SLC2A13: variants seen among roughly 807,000 people sequenced by gnomAD.
SLC2A13 encodes the protein solute carrier family 2 member 13, also known as proton myo-inositol cotransporter.
In SLC2A13, 32 loss-of-function variants were observed where a neutral mutation model predicts 64.4. The ratio of observed to expected loss-of-function variants is 0.50; its 90% CI spans 0.37 to 0.67. The LOEUF (loss-of-function observed/expected upper bound fraction) is 0.67. Among genes scored for constraint, SLC2A13 ranks in the 30% least tolerant of loss-of-function variants. SLC2A13 has a pLI of 0.00. For missense variants in SLC2A13, 743 were observed against 829.2 expected (o/e 0.90, Z 1.28); for synonymous variants, 338 against 327.1 (o/e 1.03, Z -0.36).
chr12:39,763,117 C>T (rs917553849), intron 9 of SLC2A13, among the ~76,000 whole-genome samples: 2 of 151,736 alleles, frequency 1.3e-5, no homozygotes, highest in Non-Finnish European at 2.9e-5. Flanking sequence ...TTATTGTGCT[C>T]GTATTTATTA....
intron 3 of SLC2A13, among the ~76,000 whole-genome samples, chr12:39,974,368 C>G (rs144863045): frequency 3.0e-4 from 46 of 152,328 alleles, no homozygotes; most frequent in African/African-American, 9.9e-4. Context: ...GGGGCCATAT[C>G]TGACCTCAAC....
chr12:39,812,996 A>ATTTTTTTTTTTTTTT lies in SLC2A13; in HGVS notation c.1445+17092_1445+17106dup, dbSNP rs71449493. Among the ~76,000 whole-genome samples the ATTTTTTTTTTTTTTT allele has an allele frequency of 6.9e-4, 28 of 40,616 alleles. 11 individuals are homozygous for ATTTTTTTTTTTTTTT. The highest frequency in any genetic ancestry group is 3.8e-3 in the South Asian group (2 of 520). The allele number at this position is 40,616 out of a possible 152,430, so 26.6% of individuals were successfully genotyped here. A position where few individuals can be genotyped will look rare whatever the true frequency, so the allele number is the denominator to read the frequency against. On this transcript the variant is annotated intron_variant, in intron 7 of 9. Transcript: ENST00000280871. The stretch of plus-strand genomic sequence containing the variant: ...AGGCGCCTGACATCATGCCCAGCTA[A>ATTTTTTTTTTTTTTT]TTTTTTTTTTTTTTTTTTTTTTTTT...
chr12:40,095,003 T>G (rs17442469), intron 1 of SLC2A13, among the ~76,000 whole-genome samples: 1 of 152,090 alleles, frequency 6.6e-6, no homozygotes, highest in Non-Finnish European at 1.5e-5. Flanking sequence ...TGGGAGCCCA[T>G]AGAAGCTCTC....
chr12:39,966,015 A>G (rs1355364956), intron 3 of SLC2A13, among the ~76,000 whole-genome samples: 6 of 151,938 alleles, frequency 3.9e-5, no homozygotes, highest in Non-Finnish European at 8.8e-5. Context: ...TTGACTGTCC[A>G]TAAGGAGGTC....
intron 7 of SLC2A13, among the ~76,000 whole-genome samples, chr12:39,812,337 TTTTTCTTTTCTTTTCTTTTCTTTTC>T (rs151097142): frequency 2.2e-5 from 3 of 135,262 alleles, no homozygotes; most frequent in South Asian, 2.4e-4. Context: ...ACTAATTTCT[TTTTTCTTTTCTTTTCTTTTCTTTTC>T]TTTTCTTTTC....
intron 4 of SLC2A13, among the ~76,000 whole-genome samples, chr12:39,883,526 A>C (rs1172242859): frequency 6.6e-6 from 1 of 152,190 alleles, no homozygotes; most frequent in East Asian, 1.9e-4. Context: ...AAAAGGTGAC[A>C]GTTTATTTAA....
chr12:39,865,690 G>T (rs1943888609), intron 5 of SLC2A13, among the ~76,000 whole-genome samples: 1 of 152,204 alleles, frequency 6.6e-6, no homozygotes, highest in African/African-American at 2.4e-5. Context: ...GGAATACTAT[G>T]CAGCTGTAAA....
At chr12:40,041,898 T>C (rs189643940) in intron 2 of SLC2A13, among the ~76,000 whole-genome samples, 19 of 152,312 alleles carry the variant, frequency 1.2e-4, no homozygotes, top group Admixed American at 8.5e-4. Context: ...TCATAGACCA[T>C]TGGAATCTGG....
At chr12:39,766,214 A>G (rs1940343301) in intron 7 of SLC2A13, among the ~76,000 whole-genome samples, 1 of 152,036 alleles carries the variant, frequency 6.6e-6, no homozygotes, top group South Asian at 2.1e-4. Context: ...CTCACTGCTC[A>G]GCTTAGACCA....
At chr12:40,063,443 A>G (rs1948457635) in intron 1 of SLC2A13, among the ~76,000 whole-genome samples, 1 of 150,624 alleles carries the variant, frequency 6.6e-6, no homozygotes, top group Non-Finnish European at 1.5e-5. Flanking sequence ...TCGAAGCATA[A>G]TGCCTACATC....
chr12:39,842,018 C>A (rs533157472), intron 6 of SLC2A13, among the ~76,000 whole-genome samples: 2 of 152,074 alleles, frequency 1.3e-5, no homozygotes, highest in East Asian at 3.9e-4. Context: ...ATGAGGGAGG[C>A]TTTTTATTTC....
rs1170974238 is a variant in SLC2A13, at chr12:39,981,542, A to C, written c.926-30177T>G. Among the ~76,000 whole-genome samples, 15 of 148,816 alleles carry C rather than the reference A, an allele frequency of 1.0e-4. No individual in the cohort carries two copies. The East Asian group carries it at 2.6e-3, about 26-fold the overall frequency. On this transcript the variant is annotated intron_variant, in intron 3 of 9. Coordinates refer to ENST00000280871, the MANE Select transcript of SLC2A13 (RefSeq NM_052885.4). ...ACAAACTACCATCAGAGAATACTAC[A>C]AACACCTCTACGCAAATAAACTAGA...
intron 2 of SLC2A13, among the ~76,000 whole-genome samples, chr12:40,042,187 A>G (rs118128122): frequency 6.6e-6 from 1 of 152,240 alleles, no homozygotes. Flanking sequence ...ACAACCAGAC[A>G]TTTAACAAAT....
intron 7 of SLC2A13, among the ~76,000 whole-genome samples, chr12:39,807,272 A>G (rs759948713): frequency 5.3e-5 from 8 of 152,178 alleles, no homozygotes; most frequent in Non-Finnish European, 8.8e-5. Context: ...TAACAGAACT[A>G]TATCTTGACT....
chr12:39,810,274 T>G (rs1234345421), intron 7 of SLC2A13, among the ~76,000 whole-genome samples: 1 of 152,242 alleles, frequency 6.6e-6, no homozygotes, highest in Non-Finnish European at 1.5e-5. Flanking sequence ...AAATTTATCT[T>G]TAAGAATTTC....
At chr12:40,084,621 A>G (rs1230717932) in intron 1 of SLC2A13, among the ~76,000 whole-genome samples, 1 of 152,214 alleles carries the variant, frequency 6.6e-6, no homozygotes, top group Non-Finnish European at 1.5e-5. Flanking sequence ...AAATTATACT[A>G]TAAGGCAGCA....
At chr12:39,866,688 C>T (rs1943920910) in intron 5 of SLC2A13, among the ~76,000 whole-genome samples, 2 of 152,234 alleles carry the variant, frequency 1.3e-5, no homozygotes, top group Admixed American at 6.5e-5. Flanking sequence ...ACCGTGTTAG[C>T]CAGGATGGTC....
intron 6 of SLC2A13, among the ~76,000 whole-genome samples, chr12:39,833,120 C>A (rs1408241235): frequency 6.6e-6 from 1 of 152,092 alleles, no homozygotes; most frequent in Non-Finnish European, 1.5e-5. Context: ...TGAGAAAAAT[C>A]TGGCGTACCA....
intron 7 of SLC2A13, among the ~76,000 whole-genome samples, chr12:39,805,621 G>A (rs1254128079): frequency 1.3e-5 from 2 of 152,036 alleles, no homozygotes; most frequent in African/African-American, 4.8e-5. Context: ...AAAAGGTTTG[G>A]AGAAGTTGTA....
Sources: gnomAD v4.1 joint callset for allele counts (sites outside exome capture counted in the v4.1 genomes callset) on GRCh38, gnomAD v4.1.1 for gene constraint, MANE v1.5 for transcripts, NCBI Gene and HGNC (gene_info 2026-07-23, HGNC 2026-07-21) for gene names.